Variants in PTP4A1 observed in about 807,000 individuals in gnomAD.
PTP4A1 encodes the protein protein tyrosine phosphatase 4A1.
A neutral mutation model predicts 20.5 loss-of-function variants in PTP4A1; 9 were observed. That is an observed-to-expected ratio of 0.44 (90% CI 0.26 to 0.77). The LOEUF (loss-of-function observed/expected upper bound fraction) is 0.77, where lower values mean the gene tolerates loss of function less well. Ranked by LOEUF, PTP4A1 falls within the 30% of genes least tolerant of loss-of-function variation. PTP4A1 has a pLI of 0.19. For missense variants in PTP4A1, 137 were observed against 218.8 expected, an observed-to-expected ratio of 0.63 and a Z score of 2.36; for synonymous variants, 78 against 67.4, an observed-to-expected ratio of 1.16 and a Z score of -0.77.
upstream of PTP4A1, among the ~76,000 whole-genome samples, chr6:63,570,476 A>G (rs1020185471): frequency 2.0e-5 from 3 of 152,206 alleles, no homozygotes; most frequent in Non-Finnish European, 4.4e-5. Context: ...AGAATTTGAG[A>G]GCTTTTAGAA....
intron 2 of PTP4A1, among the ~76,000 whole-genome samples, chr6:63,530,058 G>C (rs372671143): frequency 1.3e-5 from 2 of 151,898 alleles, no homozygotes; most frequent in African/African-American, 4.8e-5. Context: ...ACTGTTTCTC[G>C]AGATAGGGCA....
At chr6:63,538,357 A>C (rs947394888) in intron 2 of PTP4A1, among the ~76,000 whole-genome samples, 1 of 152,248 alleles carries the variant, frequency 6.6e-6, no homozygotes, top group African/African-American at 2.4e-5. Flanking sequence ...TCCATTCTTC[A>C]TAAAAAGAAT....
intron 3 of PTP4A1, among the ~76,000 whole-genome samples, chr6:63,557,798 G>C (rs1581934498): frequency 1.3e-5 from 2 of 152,228 alleles, no homozygotes; most frequent in South Asian, 4.2e-4. Context: ...AAAGAGTTTG[G>C]ACTTTATCTA....
At chr6:63,540,731 T>C (rs758736355) in intron 2 of PTP4A1, among the ~76,000 whole-genome samples, 9 of 151,916 alleles carry the variant, frequency 5.9e-5, no homozygotes, top group Non-Finnish European at 1.2e-4. Flanking sequence ...ACAGGATGCA[T>C]ATTAAACACA....
At chr6:63,558,900 T>C (rs1776807714) in intron 3 of PTP4A1, among the ~76,000 whole-genome samples, 3 of 152,172 alleles carry the variant, frequency 2.0e-5, no homozygotes, top group African/African-American at 4.8e-5. Flanking sequence ...AGTAGGATTG[T>C]TGTAAGAGTT....
chr6:63,582,745 G>A lies in PTP4A1; in HGVS notation c.*2571G>A, dbSNP rs1270956925. 1 of 152,144 alleles carries A rather than the reference G, an allele frequency of 6.6e-6. No homozygotes were observed. The highest frequency in any genetic ancestry group is 1.5e-5 in the Non-Finnish European group (1 of 68,034). 9.4% of individuals were successfully genotyped at this position (152,144 alleles called of 1,614,324 possible). On this transcript the variant is annotated 3_prime_UTR_variant, in exon 6 of 6. Coordinates refer to ENST00000626021, the MANE Select transcript of PTP4A1 (RefSeq NM_003463.5). Reference sequence around the variant, plus strand: ...AAGAAAATGCCATCTCTTTTTAGTTGAAGGAAAACTCTGGAAGTAGGTGCC... The same window carrying A: ...AAGAAAATGCCATCTCTTTTTAGTTAAAGGAAAACTCTGGAAGTAGGTGCC...
rs1778047407 is a variant in PTP4A1, at chr6:63,579,037, A to G, written c.329+9A>G. 1 of 1,563,520 alleles carries G rather than the reference A, an allele frequency of 6.4e-7. No individual in the cohort carries two copies. The highest frequency in any genetic ancestry group is 8.6e-7 in the Non-Finnish European group (1 of 1,161,824). On this transcript the variant is annotated intron_variant, in intron 4 of 5. Transcript: ENST00000626021. ...GTTGCAGGCCTTGGGAGGTAAATGA[A>G]TTTATCAATTTGATTCTAGGTAAAA...
At chr6:63,522,672 T>C (rs1774982426) in intron 1 of PTP4A1, among the ~76,000 whole-genome samples, 1 of 152,150 alleles carries the variant, frequency 6.6e-6, no homozygotes, top group South Asian at 2.1e-4. Context: ...ATCATTTTTT[T>C]CCAACTGGAC....
chr6:63,575,791 T>C (rs1777817847), intron 1 of PTP4A1, among the ~76,000 whole-genome samples: 1 of 152,146 alleles, frequency 6.6e-6, no homozygotes, highest in Admixed American at 6.6e-5. Context: ...CTCATTTTCC[T>C]CGTCTTCAGT....
intron 2 of PTP4A1, among the ~76,000 whole-genome samples, chr6:63,529,207 A>T (rs1775343127): frequency 6.7e-6 from 1 of 148,850 alleles, no homozygotes. Context: ...ATATATATGT[A>T]TATATATTTG....
At chr6:63,525,772 CT>C (rs1244591919) in intron 1 of PTP4A1, among the ~76,000 whole-genome samples, 2 of 152,168 alleles carry the variant, frequency 1.3e-5, no homozygotes, top group African/African-American at 2.4e-5. Context: ...CCTTTTTCCC[CT>C]GTCAGTCCTC....
chr6:63,561,939 T>C (rs1776973846), intron 3 of PTP4A1, among the ~76,000 whole-genome samples: 2 of 152,174 alleles, frequency 1.3e-5, no homozygotes, highest in South Asian at 2.1e-4. Context: ...GACCTATCGG[T>C]GCAACCTCTT....
At chr6:63,526,479 A>G (rs938837731) in intron 1 of PTP4A1, among the ~76,000 whole-genome samples, 1 of 151,702 alleles carries the variant, frequency 6.6e-6, no homozygotes, top group African/African-American at 2.4e-5. Flanking sequence ...AAGACCACGT[A>G]TGATAAATCC....
At chr6:63,529,500 T>C (rs1681942) in intron 2 of PTP4A1, among the ~76,000 whole-genome samples, 73,644 of 151,838 alleles carry the variant, frequency 0.49, 18,425 homozygotes, top group African/African-American at 0.6. Flanking sequence ...GCCTCTCTTG[T>C]CTCTTTTTCT....
chr6:63,557,573 T>C (rs942375564), intron 3 of PTP4A1, among the ~76,000 whole-genome samples: 3 of 151,850 alleles, frequency 2.0e-5, no homozygotes, highest in Admixed American at 1.3e-4. Flanking sequence ...TTCATAAAAA[T>C]AAAAATATAA....
intron 2 of PTP4A1, among the ~76,000 whole-genome samples, chr6:63,544,845 T>G (rs1034090926): frequency 1.3e-5 from 2 of 152,200 alleles, no homozygotes; most frequent in Non-Finnish European, 2.9e-5. Flanking sequence ...GATATTAACT[T>G]TGGTCACTTG....
At chr6:63,576,079 A>G (rs1266224444) in intron 1 of PTP4A1, among the ~76,000 whole-genome samples, 2 of 150,098 alleles carry the variant, frequency 1.3e-5, no homozygotes, top group Non-Finnish European at 3.0e-5. Flanking sequence ...TATTAGAATC[A>G]TATAATTATA....
intron 3 of PTP4A1, among the ~76,000 whole-genome samples, chr6:63,553,648 T>C (rs1776543615): frequency 6.6e-6 from 1 of 152,332 alleles, no homozygotes; most frequent in Middle Eastern, 3.4e-3. Context: ...AGCTTCCTGG[T>C]AAAGAATTGA....
upstream of PTP4A1, among the ~76,000 whole-genome samples, chr6:63,569,343 C>A (rs1581943273): frequency 6.6e-6 from 1 of 152,232 alleles, no homozygotes; most frequent in Admixed American, 6.5e-5. Context: ...GCAGCCTCTG[C>A]CTCCCAGCTT....
Sources: allele counts gnomAD v4.1 joint callset (sites outside exome capture counted in the v4.1 genomes callset), GRCh38; gene constraint gnomAD v4.1.1; transcripts MANE v1.5; gene names NCBI Gene and HGNC (gene_info 2026-07-23, HGNC 2026-07-21).